Variants in MAST4 observed in about 807,000 individuals in gnomAD.
MAST4 encodes the protein microtubule associated serine/threonine kinase family member 4, also known as microtubule-associated serine/threonine-protein kinase 4.
In MAST4, 89 loss-of-function variants were observed where a neutral mutation model predicts 162.7. The observed-to-expected ratio is 0.55, with a 90% confidence interval of 0.46 to 0.65. The LOEUF (loss-of-function observed/expected upper bound fraction) is 0.65, where lower values mean the gene tolerates loss of function less well. Among genes scored for constraint, MAST4 ranks in the 30% least tolerant of loss-of-function variants. The pLI, the probability that MAST4 is intolerant of heterozygous loss-of-function variation, is 0.00. For synonymous variants in MAST4, 1,479 were observed against 1,361.1 expected (o/e 1.09, Z -1.91); for missense variants, 3,153 against 3,374.0 (o/e 0.93, Z 1.62).
At chr5:67,044,758 C>G (rs1757169844) in intron 4 of MAST4, among the ~76,000 whole-genome samples, 1 of 152,226 alleles carries the variant, frequency 6.6e-6, no homozygotes, top group Non-Finnish European at 1.5e-5. Flanking sequence ...ACGAGCCTTC[C>G]TGCCTTGGCC....
intron 3 of MAST4, among the ~76,000 whole-genome samples, chr5:66,895,212 A>T (rs932133532): frequency 2.0e-5 from 3 of 152,116 alleles, no homozygotes; most frequent in Non-Finnish European, 2.9e-5. Context: ...GCTTTCAAGA[A>T]CCCCAGCTGC....
At chr5:66,993,145 G>C (rs1245331426) in intron 4 of MAST4, among the ~76,000 whole-genome samples, 1 of 152,008 alleles carries the variant, frequency 6.6e-6, no homozygotes. Flanking sequence ...ACTTTTTATT[G>C]ATCATTTTAT....
chr5:66,647,437 CAGTG>C (rs2149443307), intron 1 of MAST4, among the ~76,000 whole-genome samples: 1 of 151,940 alleles, frequency 6.6e-6, no homozygotes, highest in African/African-American at 2.4e-5. Context: ...TACCAAGTGA[CAGTG>C]GGTATTGAAT....
intron 3 of MAST4, among the ~76,000 whole-genome samples, chr5:66,892,479 G>A (rs891378858): frequency 6.6e-6 from 1 of 152,114 alleles, no homozygotes; most frequent in East Asian, 1.9e-4. Flanking sequence ...CATTTTGTTG[G>A]CTTTAATCCC....
chr5:66,849,251 T>G (rs770172001), intron 3 of MAST4, among the ~76,000 whole-genome samples: 72 of 152,160 alleles, frequency 4.7e-4, no homozygotes, highest in Non-Finnish European at 8.8e-4. Flanking sequence ...GTTTGTTCTA[T>G]TCTGGTTCAT....
chr5:67,138,973 T>C (rs1423288993), intron 19 of MAST4, among the ~76,000 whole-genome samples: 3 of 152,246 alleles, frequency 2.0e-5, no homozygotes, highest in African/African-American at 7.2e-5. Flanking sequence ...TCTGTGTTTA[T>C]AAATCATAGG....
At chr5:67,129,171 C>T (rs1245963600) in intron 14 of MAST4, among the ~76,000 whole-genome samples, 1 of 152,148 alleles carries the variant, frequency 6.6e-6, no homozygotes, top group Non-Finnish European at 1.5e-5. Flanking sequence ...AACAGAAATA[C>T]AGCTCCATCG....
At chr5:67,134,425 A>T in intron 17 of MAST4, 98 bp from the exon 18 acceptor site, 1 of 1,011,644 alleles carries the variant, frequency 9.9e-7, no homozygotes, top group South Asian at 1.8e-5. Flanking sequence ...GTGGTTGAGC[A>T]GGTGCATTCT....
intron 3 of MAST4, 115 bp downstream of exon 3, chr5:66,788,909 A>G (rs1755252664): frequency 5.5e-6 from 7 of 1,283,706 alleles, no homozygotes; most frequent in Admixed American, 7.0e-5. Context: ...CGTTAAGCAC[A>G]TATTTGGCAA....
At chr5:66,910,729 GTTTTTTTTTTT>G (rs1763686754) in intron 4 of MAST4, among the ~76,000 whole-genome samples, 2 of 112,806 alleles carry the variant, frequency 1.8e-5, no homozygotes, top group Non-Finnish European at 3.4e-5. Context: ...TACACATGTG[GTTTTTTTTTTT>G]CTTTTTTTTT....
intron 5 of MAST4, among the ~76,000 whole-genome samples, chr5:67,082,109 C>T (rs374731055): frequency 4.0e-5 from 6 of 151,456 alleles, no homozygotes; most frequent in South Asian, 4.2e-4. Flanking sequence ...CTATGCAACC[C>T]AAATTGAGGG....
intron 4 of MAST4, among the ~76,000 whole-genome samples, chr5:67,007,743 G>A (rs1310662769): frequency 6.6e-6 from 1 of 152,122 alleles, no homozygotes; most frequent in East Asian, 1.9e-4. Context: ...GAAACTTTTG[G>A]TTTGCTACAT....
intron 1 of MAST4, among the ~76,000 whole-genome samples, chr5:66,601,727 G>A (rs984899633): frequency 6.6e-6 from 1 of 152,180 alleles, no homozygotes; most frequent in African/African-American, 2.4e-5. Context: ...ACATTTGATA[G>A]AGAAGCAGCA....
At chr5:67,108,278 A>G (rs1237257671) in intron 10 of MAST4, among the ~76,000 whole-genome samples, 1 of 152,220 alleles carries the variant, frequency 6.6e-6, no homozygotes, top group Non-Finnish European at 1.5e-5. Flanking sequence ...TCCTGAATTT[A>G]TAAACCAAAA....
At chr5:66,757,275 C>A (rs774204067) in intron 1 of MAST4, among the ~76,000 whole-genome samples, 1 of 152,178 alleles carries the variant, frequency 6.6e-6, no homozygotes, top group African/African-American at 2.4e-5. Flanking sequence ...AGCTGTCACT[C>A]ATAATTAAGA....
At chr5:66,802,640 T>C (rs997360416) in intron 3 of MAST4, among the ~76,000 whole-genome samples, 5 of 152,294 alleles carry the variant, frequency 3.3e-5, no homozygotes, top group African/African-American at 1.2e-4. Context: ...TTGAGAGTCT[T>C]AGTGTGAGTG....
intron 2 of MAST4, 63 bp from the exon 3 acceptor site, chr5:66,788,607 C>CCAACCAAAAAA: frequency 1.5e-5 from 20 of 1,373,678 alleles, no homozygotes; most frequent in East Asian, 2.7e-5. Context: ...CCCCCACCCC[C>CCAACCAAAAAA]ATTGCAATAA....
intron 4 of MAST4, among the ~76,000 whole-genome samples, chr5:66,961,854 C>T (rs1746058512): frequency 1.3e-5 from 2 of 152,108 alleles, no homozygotes; most frequent in South Asian, 4.1e-4. Context: ...TAGAGTACAG[C>T]ATGTTTAAGA....
intron 1 of MAST4, among the ~76,000 whole-genome samples, chr5:66,682,868 G>A (rs150118470): frequency 1.1e-3 from 160 of 152,274 alleles, no homozygotes; most frequent in African/African-American, 3.7e-3. Context: ...ACTGCACCCC[G>A]CTTCATCTGG....
Sources: gnomAD v4.1 joint callset for allele counts (sites outside exome capture counted in the v4.1 genomes callset) on GRCh38, gnomAD v4.1.1 for gene constraint, MANE v1.5 for transcripts, NCBI Gene and HGNC (gene_info 2026-07-23, HGNC 2026-07-21) for gene names.